The following XRN1 variants were observed in gnomAD, a reference collection of about 807,000 sequenced individuals.
XRN1 encodes 5'-3' exoribonuclease 1, also known as strand-exchange protein 1 homolog.
Under a neutral mutation model 222.3 loss-of-function variants are expected in XRN1, and 67 were observed. That is an observed-to-expected ratio of 0.30 (90% CI 0.25 to 0.37). The LOEUF is 0.37. Among genes scored for constraint, XRN1 ranks in the 10% least tolerant of loss-of-function variants. XRN1 has a pLI of 1.00. For missense variants in XRN1, 1,707 were observed against 2,000.2 expected, an observed-to-expected ratio of 0.85 and a Z score of 2.80; for synonymous variants, 643 against 652.4, an observed-to-expected ratio of 0.99 and a Z score of 0.22.
At chr3:142,434,542 A>G (rs536723922) in intron 1 of XRN1, among the ~76,000 whole-genome samples, 10 of 148,634 alleles carry the variant, frequency 6.7e-5, no homozygotes, top group African/African-American at 2.2e-4. Context: ...ATTTTACAGA[A>G]CGATTTTCCA....
At chr3:142,439,438 A>G (rs1014837383) in intron 1 of XRN1, among the ~76,000 whole-genome samples, 2 of 152,198 alleles carry the variant, frequency 1.3e-5, no homozygotes, top group African/African-American at 2.4e-5. Context: ...TAGAAGGACT[A>G]AGGAAAACTA....
At position 142,432,720 on chromosome 3, in the gene XRN1, C is replaced by T; in HGVS notation, c.249G>A (p.Met83Ile). ...RIIKPRKVFF[M>I]AVDGVAPRAK... ...CTCGAGGAGCCACACCATCTACAGC[C>T]ATAAAGAACACTTTCCTGGGTTTAA... The change falls in exon 2 of 41, where the codon ATG becomes ATA. Residue 83 changes from methionine (M) to isoleucine (I), a missense_variant. By Grantham distance (10) the Met-to-Ile change is conservative. Around this residue, in one of 2 missense-constraint regions of XRN1, gnomAD observed 1,234 missense variants for 1,518.2 expected, o/e 0.81. Coordinates refer to ENST00000392981, the MANE Select transcript of XRN1 (RefSeq NM_001282857.2). The T allele has an allele frequency of 1.1e-5, 17 of 1,613,150 alleles. No individual in the cohort carries two copies. The highest frequency in any genetic ancestry group is 1.4e-5 in the Non-Finnish European group (17 of 1,179,590).
intron 25 of XRN1, among the ~76,000 whole-genome samples, chr3:142,373,824 A>G (rs565369498): frequency 6.6e-6 from 1 of 152,146 alleles, no homozygotes; most frequent in South Asian, 2.1e-4. Context: ...ACTAAAAAAA[A>G]TACAAAATTT....
rs200160604 is a variant in XRN1 at position 142,412,497 on chromosome 3, T to C, written c.1713+47A>G. 37 of 1,485,626 alleles carry C rather than the reference T, an allele frequency of 2.5e-5. No homozygotes were observed. In the African/African-American group the frequency reaches 2.8e-4, roughly 11 times the overall value. 92.0% of individuals were successfully genotyped at this position (1,485,626 alleles called of 1,614,324 possible). A position where few individuals can be genotyped will look rare whatever the true frequency, so the allele number is the denominator to read the frequency against. ...GCTCATTAACCTATGTGAAATAGTC[T>C]CTGATTAAGAATGTATGTGTATGTA... On this transcript the variant is annotated intron_variant, in intron 15 of 40. Coordinates refer to ENST00000392981, the MANE Select transcript of XRN1 (RefSeq NM_001282857.2).
intron 20 of XRN1, among the ~76,000 whole-genome samples, chr3:142,387,582 A>G (rs1393360153): frequency 6.6e-6 from 1 of 152,222 alleles, no homozygotes; most frequent in Non-Finnish European, 1.5e-5. Flanking sequence ...TCTGTTTCCC[A>G]GTACATACCA....
chr3:142,425,192 T>C (rs1559873484), intron 5 of XRN1, 30 bp downstream of exon 5: 1 of 1,447,528 alleles, frequency 6.9e-7, no homozygotes, highest in South Asian at 1.5e-5. Context: ...TATCAATGCA[T>C]AAGTTTATAA....
rs1268626875 is a variant in XRN1, at chr3:142,357,096, C to T, written c.3488G>A (p.Arg1163Gln). The change falls in exon 31 of 41, where the codon CGA becomes CAA. Residue 1163 changes from arginine to glutamine, a missense_variant. Coordinates refer to ENST00000392981, the MANE Select transcript of XRN1 (RefSeq NM_001282857.2). ...GTTCACCAAGGCACTTGTTGGCAGT[C>T]GATAACCTCTACCAGGTGAGCATCT... is the stretch of plus-strand genomic sequence containing the variant. ...TIRCSPGRGY[R>Q]LPTSALVNLS... 2.5e-6 allele frequency: 4 copies of T among 1,612,284 alleles called. No homozygotes were observed. Among genetic ancestry groups the T allele is most frequent in the East Asian group, 2.2e-5 (1 of 44,740 alleles).
In XRN1 at chr3:142,308,369, C is replaced by T. The variant is rs1228395453; in HGVS notation, c.*3142G>A. The T allele has an allele frequency of 6.6e-6, 1 of 152,122 alleles. No homozygotes were observed. Among genetic ancestry groups the T allele is most frequent in the African/African-American group, 2.4e-5 (1 of 41,438 alleles). 9.4% of individuals were successfully genotyped at this position (152,122 alleles called of 1,614,324 possible). On this transcript the variant is annotated 3_prime_UTR_variant, in exon 41 of 41. Coordinates refer to ENST00000392981, the MANE Select transcript of XRN1 (RefSeq NM_001282857.2). Reference sequence around the variant, plus strand: ...AGCAGTCTAAAATGAAAGCAGGTACCTGATCATAGAAAGAAACAATAAAAA... The same window carrying T: ...AGCAGTCTAAAATGAAAGCAGGTACTTGATCATAGAAAGAAACAATAAAAA...
At chr3:142,446,165 T>A (rs2070493091) in intron 1 of XRN1, among the ~76,000 whole-genome samples, 3 of 152,246 alleles carry the variant, frequency 2.0e-5, no homozygotes, top group African/African-American at 7.2e-5. Context: ...AAACCTATGC[T>A]ACTGAGGCCA....
chr3:142,339,054 A>T (rs934762329), intron 33 of XRN1, among the ~76,000 whole-genome samples: 1 of 152,178 alleles, frequency 6.6e-6, no homozygotes, highest in South Asian at 2.1e-4. Context: ...GGCTGGTTTC[A>T]CCATCTACTG....
chr3:142,370,709 A>G (rs1045056591), intron 26 of XRN1, 89 bp from the exon 27 acceptor site: 6 of 1,125,256 alleles, frequency 5.3e-6, no homozygotes, highest in African/African-American at 1.6e-5. Context: ...ATAACTAATA[A>G]TTAGTCACTG....
chr3:142,376,892 A>C (rs2067159706), intron 23 of XRN1, among the ~76,000 whole-genome samples: 1 of 152,102 alleles, frequency 6.6e-6, no homozygotes, highest in African/African-American at 2.4e-5. Flanking sequence ...TAAGTACTAA[A>C]TGGCAAACTC....
rs756325232 is a variant in XRN1 at position 142,406,693 on chromosome 3, AT to A, written c.1714-1618del. On this transcript the variant is annotated intron_variant, in intron 15 of 40. Transcript: ENST00000392981. ...AGGTATACACCACAACATCCAGTTC[AT>A]TTTTTTTTTTTTTGGTAGAGGTTGG... is the stretch of plus-strand genomic sequence containing the variant. Among the ~76,000 whole-genome samples the A allele has an allele frequency of 5.4e-3, 761 of 139,976 alleles. 2 individuals carry two copies. Among genetic ancestry groups the A allele is most frequent in the Middle Eastern group, 7.5e-3 (2 of 266 alleles). 91.8% of individuals were successfully genotyped at this position (139,976 alleles called of 152,430 possible). A position where few individuals can be genotyped will look rare whatever the true frequency, so the allele number is the denominator to read the frequency against.
chr3:142,333,230 A>T, intron 34 of XRN1, 141 bp from the exon 35 acceptor site: 1 of 1,012,098 alleles, frequency 9.9e-7, no homozygotes, highest in Non-Finnish European at 1.4e-6. Flanking sequence ...AGAGAATTGG[A>T]ATAAATAGTT....
intron 13 of XRN1, 90 bp downstream of exon 13, chr3:142,417,050 G>T: frequency 6.2e-5 from 46 of 741,950 alleles, no homozygotes; most frequent in Non-Finnish European, 9.1e-5. Context: ...ACCATAAGTA[G>T]AAATAAAAGG....
rs1413866648 is a variant in XRN1, at chr3:142,309,613, T to A, written c.*1898A>T. The stretch of plus-strand genomic sequence containing the variant: ...ATCCTTATGGGTTTAGTGCACTATG[T>A]CTACTGAAATTTCCCTTTGGAGTTT... On this transcript the variant is annotated 3_prime_UTR_variant, in exon 41 of 41. Transcript: ENST00000392981. 1 of 152,262 alleles carries A rather than the reference T, an allele frequency of 6.6e-6. No individual in the cohort carries two copies. The highest frequency in any genetic ancestry group is 1.5e-5 in the Non-Finnish European group (1 of 68,054). The allele number at this position is 152,262 out of a possible 1,614,324, so 9.4% of individuals were successfully genotyped here. A position where few individuals can be genotyped will look rare whatever the true frequency, so the allele number is the denominator to read the frequency against.
intron 20 of XRN1, among the ~76,000 whole-genome samples, chr3:142,393,237 A>AT (rs2067802849): frequency 6.8e-6 from 1 of 148,100 alleles, no homozygotes; most frequent in Non-Finnish European, 1.5e-5. Flanking sequence ...CCTTTGTCAG[A>AT]TGAGTAGGTT....
At chr3:142,319,049 T>C in intron 37 of XRN1, 146 bp from the exon 38 acceptor site, 1 of 665,436 alleles carries the variant, frequency 1.5e-6, no homozygotes. Context: ...AGGCAAAAAT[T>C]TTCGAGTTGT....
intron 20 of XRN1, among the ~76,000 whole-genome samples, chr3:142,391,942 A>C (rs772627480): frequency 4.0e-5 from 6 of 151,494 alleles, no homozygotes; most frequent in Non-Finnish European, 7.4e-5. Flanking sequence ...GCTGTTCTCC[A>C]AATTATCCTC....
Sources: allele counts gnomAD v4.1 joint callset (sites outside exome capture counted in the v4.1 genomes callset), GRCh38; gene constraint gnomAD v4.1.1; regional missense constraint gnomAD v4.1.1; transcripts MANE v1.5; gene names NCBI Gene and HGNC (gene_info 2026-07-23, HGNC 2026-07-21).